Variants in DNM3 observed in about 807,000 individuals in gnomAD.
DNM3 encodes the protein dynamin-3.
Under a neutral mutation model 101.6 loss-of-function variants are expected in DNM3, and 47 were observed. The observed-to-expected ratio is 0.46, with a 90% confidence interval of 0.37 to 0.59. DNM3 has a LOEUF of 0.59. Ranked by LOEUF, DNM3 falls within the 20% of genes least tolerant of loss-of-function variation. The pLI is 0.00. For missense variants in DNM3, 849 were observed against 1,085.7 expected (o/e 0.78, Z 3.06); for synonymous variants, 385 against 387.9 (o/e 0.99, Z 0.09).
chr1:172,352,057 G>A (rs564177512), intron 17 of DNM3, among the ~76,000 whole-genome samples: 132 of 152,278 alleles, frequency 8.7e-4, no homozygotes, highest in South Asian at 8.3e-3. Flanking sequence ...TTATCCTGAC[G>A]TCTAAAATTA....
intron 10 of DNM3, among the ~76,000 whole-genome samples, chr1:172,065,662 G>A (rs1305289315): frequency 1.3e-5 from 2 of 152,112 alleles, no homozygotes; most frequent in African/African-American, 2.4e-5. Context: ...CCAGGTGAGC[G>A]TGCATCTCAG....
intron 13 of DNM3, among the ~76,000 whole-genome samples, chr1:172,111,660 G>A (rs904234529): frequency 6.6e-6 from 1 of 152,236 alleles, no homozygotes; most frequent in South Asian, 2.1e-4. Context: ...TGGGAAAATG[G>A]GAGCACAGCA....
intron 1 of DNM3, among the ~76,000 whole-genome samples, chr1:171,873,571 C>T (rs1392842803): frequency 1.3e-5 from 2 of 151,978 alleles, no homozygotes; most frequent in African/African-American, 2.4e-5. Flanking sequence ...GGGGATCAGG[C>T]ATGTCCAAGA....
At chr1:172,235,495 G>A (rs1177538883) in intron 14 of DNM3, among the ~76,000 whole-genome samples, 1 of 152,140 alleles carries the variant, frequency 6.6e-6, no homozygotes, top group Non-Finnish European at 1.5e-5. Context: ...CCCATTACTG[G>A]ATATATACCC....
At chr1:172,368,762 A>C (rs1314376035) in intron 17 of DNM3, among the ~76,000 whole-genome samples, 1 of 151,960 alleles carries the variant, frequency 6.6e-6, no homozygotes, top group Non-Finnish European at 1.5e-5. Context: ...TCCATAATGA[A>C]AAAATGAAAC....
intron 15 of DNM3, among the ~76,000 whole-genome samples, chr1:172,283,027 G>A (rs1229023615): frequency 1.3e-5 from 2 of 152,214 alleles, no homozygotes; most frequent in Non-Finnish European, 2.9e-5. Context: ...AGCCATCTTA[G>A]AGCGTTGCTA....
intron 1 of DNM3, among the ~76,000 whole-genome samples, chr1:171,900,018 G>T (rs1350830215): frequency 6.6e-6 from 1 of 152,226 alleles, no homozygotes; most frequent in Non-Finnish European, 1.5e-5. Flanking sequence ...ACTGCAAGGA[G>T]TTCAGTGTAC....
intron 17 of DNM3, among the ~76,000 whole-genome samples, chr1:172,346,723 G>A (rs1012470485): frequency 1.3e-5 from 2 of 152,118 alleles, no homozygotes; most frequent in Admixed American, 1.3e-4. Flanking sequence ...GAATTAAAAG[G>A]AAAGAATCCA....
intron 16 of DNM3, among the ~76,000 whole-genome samples, chr1:172,317,635 C>A (rs2065454013): frequency 1.3e-5 from 2 of 152,184 alleles, no homozygotes; most frequent in South Asian, 4.1e-4. Context: ...ACTAGAAAAT[C>A]TAGAAGAAAT....
chr1:172,027,154 A>G (rs2048263241), intron 4 of DNM3, among the ~76,000 whole-genome samples: 1 of 152,230 alleles, frequency 6.6e-6, no homozygotes, highest in South Asian at 2.1e-4. Context: ...ACCAAATTGT[A>G]AAGACTATTG....
intron 9 of DNM3, among the ~76,000 whole-genome samples, chr1:172,045,669 G>A (rs1228694362): frequency 6.6e-6 from 1 of 152,180 alleles, no homozygotes; most frequent in East Asian, 1.9e-4. Context: ...TTCATGTACA[G>A]AAGGCTAAAC....
chr1:172,336,124 C>T (rs2066416175), intron 17 of DNM3, among the ~76,000 whole-genome samples: 1 of 152,000 alleles, frequency 6.6e-6, no homozygotes, highest in Admixed American at 6.6e-5. Context: ...CTGCTAAACA[C>T]CCTATAAGGC....
At chr1:172,236,783 C>G (rs865932004) in intron 14 of DNM3, among the ~76,000 whole-genome samples, 5 of 152,124 alleles carry the variant, frequency 3.3e-5, no homozygotes, top group African/African-American at 1.2e-4. Flanking sequence ...CTGTGCTAAA[C>G]TTTTTCTATG....
chr1:172,069,718 G>T (rs1437702636), intron 11 of DNM3, among the ~76,000 whole-genome samples: 2 of 152,190 alleles, frequency 1.3e-5, no homozygotes, highest in Non-Finnish European at 2.9e-5. Context: ...CTTAGGCCAT[G>T]TGCTCGCCAC....
intron 15 of DNM3, among the ~76,000 whole-genome samples, chr1:172,278,965 T>A (rs1273193521): frequency 6.6e-6 from 1 of 152,158 alleles, no homozygotes; most frequent in Non-Finnish European, 1.5e-5. Flanking sequence ...GTTGCTGAAA[T>A]TCACTTTGCT....
chr1:172,190,856 T>A (rs1489241689), intron 14 of DNM3, among the ~76,000 whole-genome samples: 1 of 152,224 alleles, frequency 6.6e-6, no homozygotes, highest in Non-Finnish European at 1.5e-5. Context: ...CACTTTTTGA[T>A]GGGATTGTTT....
At chr1:172,182,911 T>G (rs1459075776) in intron 14 of DNM3, among the ~76,000 whole-genome samples, 3 of 152,118 alleles carry the variant, frequency 2.0e-5, no homozygotes, top group African/African-American at 7.2e-5. Flanking sequence ...GTATTGATAA[T>G]GTAGTATCAT....
At position 172,411,768 on chromosome 1, in the gene DNM3, A is replaced by G. The variant is rs1452712482; in HGVS notation, c.*3927A>G. The G allele has an allele frequency of 2.0e-6, 2 of 985,406 alleles. No homozygotes were observed. Among genetic ancestry groups the G allele is most frequent in the East Asian group, 2.3e-4 (2 of 8,828 alleles). The allele number at this position is 985,406 out of a possible 1,614,324, so 61.0% of individuals were successfully genotyped here. On this transcript the variant is annotated 3_prime_UTR_variant, in exon 21 of 21. Coordinates refer to ENST00000627582, the MANE Select transcript of DNM3 (RefSeq NM_015569.5). ...CTAACTGTTGAACTCATGAAAGAAG[A>G]TAGTGTATGAGACTTAAGCCATGAG...
intron 2 of DNM3, among the ~76,000 whole-genome samples, chr1:171,960,122 T>G (rs189076301): frequency 3.3e-5 from 5 of 152,168 alleles, no homozygotes; most frequent in Admixed American, 6.6e-5. Context: ...GCTGAACTTA[T>G]AAAATGAGAA....
Sources: allele counts gnomAD v4.1 joint callset (sites outside exome capture counted in the v4.1 genomes callset), GRCh38; gene constraint gnomAD v4.1.1; transcripts MANE v1.5; gene names NCBI Gene and HGNC (gene_info 2026-07-23, HGNC 2026-07-21).